The following ADAMTS17 variants were observed in gnomAD, a reference collection of about 807,000 sequenced individuals.
The protein encoded by ADAMTS17 is ADAM metallopeptidase with thrombospondin type 1 motif 17.
ADAMTS17 carries 113 observed loss-of-function variants against 141.5 expected under a neutral mutation model. The observed-to-expected ratio is 0.80, with a 90% CI of 0.69 to 0.93. ADAMTS17 has a LOEUF of 0.93. Ranked by LOEUF, ADAMTS17 falls within the 40% of genes least tolerant of loss-of-function variation. The probability of loss-of-function intolerance (pLI) is 0.00; values close to 1 mark genes in which losing one functional copy is unlikely to be tolerated. For missense variants in ADAMTS17, 1,659 were observed against 1,517.9 expected, an observed-to-expected ratio of 1.09 and a Z score of -1.54; for synonymous variants, 768 against 630.6, an observed-to-expected ratio of 1.22 and a Z score of -3.27.
intron 10 of ADAMTS17, 133 bp downstream of exon 10, chr15:100,152,479 T>C: frequency 5.0e-6 from 6 of 1,198,316 alleles, no homozygotes; most frequent in African/African-American, 1.5e-5. Context: ...TGCATATACA[T>C]GTATACCTGT....
intron 18 of ADAMTS17, among the ~76,000 whole-genome samples, chr15:100,028,494 TG>T (rs2029867050): frequency 6.6e-6 from 1 of 152,220 alleles, no homozygotes; most frequent in African/African-American, 2.4e-5. Context: ...TGTCCTGGAA[TG>T]GGGTTTTGGA....
chr15:100,244,546 T>A (rs764262065), intron 7 of ADAMTS17, among the ~76,000 whole-genome samples: 2 of 151,794 alleles, frequency 1.3e-5, no homozygotes, highest in Non-Finnish European at 2.9e-5. Flanking sequence ...AGCGAATAAG[T>A]CTCATGAGAT....
In ADAMTS17 at chr15:99,974,673, C is replaced by T; in HGVS notation, c.3128-111G>A. The T allele has an allele frequency of 2.9e-6, 4 of 1,383,274 alleles. No individual in the cohort carries two copies. In the South Asian group the frequency reaches 3.6e-5, roughly 12 times the overall value. 85.7% of individuals were successfully genotyped at this position (1,383,274 alleles called of 1,614,324 possible). A position where few individuals can be genotyped will look rare whatever the true frequency, so the allele number is the denominator to read the frequency against. On this transcript the variant is annotated intron_variant, in intron 21 of 21. Transcript: ENST00000268070. ...CCGTCTGGGCTCCCTCACCCTCGTG[C>T]ACACGTCAACCCTTTGCACTGATTA...
chr15:100,134,563 G>A (rs1368999640), intron 10 of ADAMTS17, among the ~76,000 whole-genome samples: 1 of 152,174 alleles, frequency 6.6e-6, no homozygotes, highest in Non-Finnish European at 1.5e-5. Context: ...TCACCGTGTG[G>A]TTTGCAAAGG....
intron 20 of ADAMTS17, among the ~76,000 whole-genome samples, chr15:99,990,748 C>G (rs1433860773): frequency 6.6e-6 from 1 of 151,936 alleles, no homozygotes; most frequent in Non-Finnish European, 1.5e-5. Flanking sequence ...AATGGAAAAC[C>G]CATTTTTCCT....
chr15:100,110,192 G>GAT (rs1294687515), intron 13 of ADAMTS17, among the ~76,000 whole-genome samples: 42 of 141,984 alleles, frequency 3.0e-4, no homozygotes, highest in East Asian at 1.2e-3. Context: ...TTTATATACT[G>GAT]ATATATATAT....
At chr15:100,003,358 G>A (rs976162650) in intron 18 of ADAMTS17, among the ~76,000 whole-genome samples, 2 of 152,094 alleles carry the variant, frequency 1.3e-5, no homozygotes, top group African/African-American at 2.4e-5. Flanking sequence ...TGCAGAGGAG[G>A]TGAACACGGG....
intron 7 of ADAMTS17, among the ~76,000 whole-genome samples, chr15:100,221,973 T>C (rs1025011963): frequency 5.3e-5 from 8 of 152,212 alleles, no homozygotes; most frequent in Non-Finnish European, 2.9e-5. Flanking sequence ...CTCGAGGCCA[T>C]CATCACACAG....
intron 3 of ADAMTS17, among the ~76,000 whole-genome samples, chr15:100,313,213 C>T (rs564680744): frequency 6.6e-6 from 1 of 152,112 alleles, no homozygotes; most frequent in Non-Finnish European, 1.5e-5. Context: ...AAATAACACA[C>T]ACACACAAAA....
At chr15:99,979,494 A>G (rs777753937) in intron 20 of ADAMTS17, 1 of 152,278 alleles carries the variant, frequency 6.6e-6, no homozygotes, top group African/African-American at 2.4e-5. Flanking sequence ...AACGTTCCCA[A>G]TGCGGAACAA....
chr15:100,109,778 C>T (rs989149231), intron 13 of ADAMTS17, among the ~76,000 whole-genome samples: 3 of 152,126 alleles, frequency 2.0e-5, no homozygotes, highest in Non-Finnish European at 2.9e-5. Flanking sequence ...GCGCCCAGCT[C>T]CCCAGCCTTT....
intron 3 of ADAMTS17, among the ~76,000 whole-genome samples, chr15:100,305,016 T>C (rs2045174131): frequency 1.3e-5 from 2 of 152,248 alleles, no homozygotes; most frequent in South Asian, 4.1e-4. Flanking sequence ...CAATACCCAT[T>C]GTTTATGTTA....
chr15:99,975,353 G>A (rs1458088438), intron 21 of ADAMTS17, among the ~76,000 whole-genome samples: 1 of 152,134 alleles, frequency 6.6e-6, no homozygotes, highest in African/African-American at 2.4e-5. Context: ...GGGACTACAG[G>A]CACACGCCAC....
chr15:100,109,484 A>G (rs1596458070), intron 13 of ADAMTS17, among the ~76,000 whole-genome samples: 5 of 148,758 alleles, frequency 3.4e-5, no homozygotes, highest in Non-Finnish European at 4.5e-5. Flanking sequence ...GAGGGTGTGA[A>G]GGGAGGGGGA....
At chr15:100,315,355 G>C (rs961968088) in intron 3 of ADAMTS17, among the ~76,000 whole-genome samples, 1 of 152,150 alleles carries the variant, frequency 6.6e-6, no homozygotes, top group Non-Finnish European at 1.5e-5. Flanking sequence ...ATCAGAAACT[G>C]ATCAGGGGAC....
rs1173145371 is a variant in ADAMTS17 at position 100,324,052 on chromosome 15, C to T, written c.616+6837G>A. Among the ~76,000 whole-genome samples, 4 of 151,254 alleles carry T rather than the reference C, an allele frequency of 2.6e-5. No homozygotes were observed. In the South Asian group the frequency reaches 8.4e-4, roughly 32 times the overall value. ...AAAAAAAAAAAAAAGAAGAAAGCAT[C>T]CCAGCACTTTGGGAGGCCGAGGCAG... On this transcript the variant is annotated intron_variant, in intron 3 of 21. Transcript: ENST00000268070.
At chr15:100,163,668 A>C (rs2039830993) in intron 8 of ADAMTS17, among the ~76,000 whole-genome samples, 1 of 152,148 alleles carries the variant, frequency 6.6e-6, no homozygotes, top group Non-Finnish European at 1.5e-5. Flanking sequence ...TTTAAATTCT[A>C]TCTGATGCTC....
chr15:100,034,723 C>T (rs2030534893), intron 18 of ADAMTS17, among the ~76,000 whole-genome samples: 1 of 152,186 alleles, frequency 6.6e-6, no homozygotes, highest in Non-Finnish European at 1.5e-5. Context: ...GAAAGGGCCA[C>T]TGGTGGCTTC....
intron 21 of ADAMTS17, among the ~76,000 whole-genome samples, chr15:99,975,089 T>C (rs1831861172): frequency 6.6e-6 from 1 of 152,130 alleles, no homozygotes; most frequent in Non-Finnish European, 1.5e-5. Flanking sequence ...CTCAAAGGCC[T>C]CCCCCGGAAC....
Sources: gnomAD v4.1 joint callset for allele counts (sites outside exome capture counted in the v4.1 genomes callset) on GRCh38, gnomAD v4.1.1 for gene constraint, MANE v1.5 for transcripts, NCBI Gene and HGNC (gene_info 2026-07-23, HGNC 2026-07-21) for gene names.